CDK9: variants seen among roughly 807,000 people sequenced by gnomAD.
The protein encoded by CDK9 is cyclin-dependent kinase 9.
A neutral mutation model predicts 39.0 loss-of-function variants in CDK9; 34 were observed. That is an observed-to-expected ratio of 0.87 (90% CI 0.66 to 1.16). The LOEUF (loss-of-function observed/expected upper bound fraction) is 1.16. Ranked by LOEUF, CDK9 falls within the 50% of genes most tolerant of loss-of-function variation. The probability of loss-of-function intolerance (pLI) is 0.00; values close to 1 mark genes in which losing one functional copy is unlikely to be tolerated. For synonymous variants in CDK9, 233 were observed against 196.2 expected, an observed-to-expected ratio of 1.19 and a Z score of -1.57; for missense variants, 369 against 503.2, an observed-to-expected ratio of 0.73 and a Z score of 2.55.
Position 127,787,951 on chromosome 9 carries a change from C to G in CDK9, c.270C>G (p.Ser90=). 1 of 1,614,062 alleles carries G rather than the reference C, an allele frequency of 6.2e-7. No individual in the cohort carries two copies. Among genetic ancestry groups the G allele is most frequent in the Non-Finnish European group, 8.5e-7 (1 of 1,179,936 alleles). ...TTCTTTCTATTCCTGCCTCAGCTTC[C>G]CCCTATAACCGCTGCAAGGGTAGTA... ...NLIEICRTKA[S]PYNRCKGSIY... Residue 90 remains serine (S), a synonymous_variant, in exon 4 of 7, where the codon TCC becomes TCG. Coordinates refer to ENST00000373264, the MANE Select transcript of CDK9 (RefSeq NM_001261.4).
In CDK9 at chr9:127,788,341, A is replaced by T; in HGVS notation, c.560A>T (p.Asn187Ile). ...AKNSQPNRYT[N>I]RVVTLWYRPP... Reference sequence around the variant, plus strand: ...AACAGCCAGCCCAACCGCTACACCAACCGTGTGGTGACACTCTGGTACCGG... The same window carrying T: ...AACAGCCAGCCCAACCGCTACACCATCCGTGTGGTGACACTCTGGTACCGG... The change falls in exon 5 of 7, where the codon AAC becomes ATC. Residue 187 changes from asparagine (N) to isoleucine (I), a missense_variant. Physicochemically the swap from Asn to Ile is moderately radical, Grantham distance 149 (BLOSUM62 -3). Coordinates refer to ENST00000373264, the MANE Select transcript of CDK9 (RefSeq NM_001261.4). 1 of 1,613,098 alleles carries T rather than the reference A, an allele frequency of 6.2e-7. No individual in the cohort carries two copies. Among genetic ancestry groups the T allele is most frequent in the Non-Finnish European group, 8.5e-7 (1 of 1,179,982 alleles).
Position 127,788,234 on chromosome 9 carries a change from GGCT to G in CDK9, c.457_459del (p.Ala153del). ...TGCAGATCCTGCATAGGGACATGAA[GGCT>G]GCTAATGTGCTTATCACTCGTGATG... is the stretch of plus-strand genomic sequence containing the variant. On this transcript the variant is annotated inframe_deletion, in exon 5 of 7. Coordinates refer to ENST00000373264, the MANE Select transcript of CDK9 (RefSeq NM_001261.4). 2 of 1,613,938 alleles carry G rather than the reference GGCT, an allele frequency of 1.2e-6. No individual in the cohort carries two copies. The highest frequency in any genetic ancestry group is 1.7e-6 in the Non-Finnish European group (2 of 1,180,026).
chr9:127,789,567 T>G lies in CDK9; in HGVS notation c.*24T>G, dbSNP rs758446860. On this transcript the variant is annotated 3_prime_UTR_variant, in exon 7 of 7. Coordinates refer to ENST00000373264, the MANE Select transcript of CDK9 (RefSeq NM_001261.4). The surrounding 1 kb of genome is among the most constrained non-coding windows in gnomAD (Gnocchi z 5.2). ...GAGGGCCGGCGCTTGCCACTAGGGC[T>G]CTTGTGTTTTTTTTCTTCTGCTATG... The G allele has an allele frequency of 1.9e-6, 3 of 1,601,892 alleles. No homozygotes were observed. The South Asian group carries it at 3.3e-5, about 18-fold the overall frequency.
rs1401312964 is a variant in CDK9, at chr9:127,789,055, G to A, written c.754-123G>A. 8 of 1,283,400 alleles carry A rather than the reference G, an allele frequency of 6.2e-6. No homozygotes were observed. Among genetic ancestry groups the A allele is most frequent in the Middle Eastern group, 2.8e-4 (1 of 3,576 alleles). The allele number at this position is 1,283,400 out of a possible 1,614,324, so 79.5% of individuals were successfully genotyped here. Reference sequence around the variant, plus strand: ...GCGGGCACTGCTTCTGGGAGGGGTCGAGTAGCAGTCTGGGAGCCTCCGAGT... The same window carrying A: ...GCGGGCACTGCTTCTGGGAGGGGTCAAGTAGCAGTCTGGGAGCCTCCGAGT... On this transcript the variant is annotated intron_variant, in intron 6 of 6. Transcript: ENST00000373264. The surrounding 1 kb of genome is among the most constrained non-coding windows in gnomAD (Gnocchi z 5.2).
intron 3 of CDK9, among the ~76,000 whole-genome samples, 158 bp downstream of exon 3, chr9:127,787,766 G>A (rs887661567): frequency 3.9e-5 from 6 of 152,110 alleles, no homozygotes; most frequent in African/African-American, 1.2e-4. Context: ...GTGCTTCCTC[G>A]GGGCCTGCCC....
At position 127,789,580 on chromosome 9, in the gene CDK9, T is replaced by G. The variant is rs1330332418; in HGVS notation, c.*37T>G. On this transcript the variant is annotated 3_prime_UTR_variant, in exon 7 of 7. Coordinates refer to ENST00000373264, the MANE Select transcript of CDK9 (RefSeq NM_001261.4). The surrounding 1 kb of genome is among the most constrained non-coding windows in gnomAD (Gnocchi z 5.2). ...TGCCACTAGGGCTCTTGTGTTTTTT[T>G]TCTTCTGCTATGTGACTTGCATCGT... The G allele has an allele frequency of 6.3e-7, 1 of 1,596,254 alleles. No homozygotes were observed. Among genetic ancestry groups the G allele is most frequent in the South Asian group, 1.1e-5 (1 of 89,384 alleles).
At position 127,787,975 on chromosome 9, in the gene CDK9, T is replaced by C. The variant is rs1055081617; in HGVS notation, c.294T>C (p.Ser98=). 9.9e-6 allele frequency: 16 copies of C among 1,614,106 alleles called. No individual in the cohort carries two copies. The highest frequency in any genetic ancestry group is 1.4e-5 in the Non-Finnish European group (16 of 1,180,054). ...CCCCCTATAACCGCTGCAAGGGTAG[T>C]ATATACCTGGTGTTCGACTTCTGCG... ...KASPYNRCKG[S]IYLVFDFCEH... is the part of the protein sequence containing the mutation. The change falls in exon 4 of 7, where the codon AGT becomes AGC. Residue 98 remains serine, a synonymous_variant. Transcript: ENST00000373264.
chr9:127,788,731 G>A, intron 6 of CDK9, 39 bp downstream of exon 6: 1 of 1,536,322 alleles, frequency 6.5e-7, no homozygotes, highest in Non-Finnish European at 8.8e-7. Context: ...AGAGATCGAG[G>A]TCCCCCGGCA....
chr9:127,789,600 C>T lies in CDK9; in HGVS notation c.*57C>T, dbSNP rs1829392916. On this transcript the variant is annotated 3_prime_UTR_variant, in exon 7 of 7. Coordinates refer to ENST00000373264, the MANE Select transcript of CDK9 (RefSeq NM_001261.4). The surrounding 1 kb of genome is among the most constrained non-coding windows in gnomAD (Gnocchi z 5.2). ...TTTTTTTCTTCTGCTATGTGACTTG[C>T]ATCGTGGAGACAGGGCATTTGAGTT... 1 of 1,572,796 alleles carries T rather than the reference C, an allele frequency of 6.4e-7. No individual in the cohort carries two copies.
In CDK9 at chr9:127,789,719, G is replaced by A; in HGVS notation, c.*176G>A. 9.0e-6 allele frequency: 7 copies of A among 779,892 alleles called. No homozygotes were observed. The South Asian group carries it at 9.3e-5, about 10-fold the overall frequency. 48.3% of individuals were successfully genotyped at this position (779,892 alleles called of 1,614,324 possible). A position where few individuals can be genotyped will look rare whatever the true frequency, so the allele number is the denominator to read the frequency against. ...GAGTGGAGCATTGGCTGAGAGACCA[G>A]GAGGGCACTGGAGCTGTCTTGTCCT... On this transcript the variant is annotated 3_prime_UTR_variant, in exon 7 of 7. Transcript: ENST00000373264. This position sits in a 1 kb window ranked among gnomAD's most constrained non-coding sequence, Gnocchi z 5.2.
chr9:127,788,560 C>G lies in CDK9; in HGVS notation c.621C>G (p.Gly207=). ...TCTTCCCAGGGGAGCGGGACTACGG[C>G]CCCCCCATTGACCTGTGGGGTGCTG... ...PELLLGERDY[G]PPIDLWGAGC... Residue 207 remains glycine, a synonymous_variant, in exon 6 of 7, where the codon GGC becomes GGG. Transcript: ENST00000373264. 6.4e-7 allele frequency: 1 copy of G among 1,569,006 alleles called. No homozygotes were observed. Among genetic ancestry groups the G allele is most frequent in the Non-Finnish European group, 8.6e-7 (1 of 1,157,282 alleles).
rs773619937 is a variant in CDK9 at position 127,789,322 on chromosome 9, C to T, written c.898C>T (p.Pro300Ser). 9 of 1,613,964 alleles carry T rather than the reference C, an allele frequency of 5.6e-6. No individual in the cohort carries two copies. The South Asian group carries it at 9.9e-5, about 18-fold the overall frequency. The change falls in exon 7 of 7, where the codon CCT becomes TCT. Residue 300 changes from proline (P) to serine (S), a missense_variant. Pro to Ser is a moderately conservative substitution (Grantham distance 74). Coordinates refer to ENST00000373264, the MANE Select transcript of CDK9 (RefSeq NM_001261.4). This position sits in a 1 kb window ranked among gnomAD's most constrained non-coding sequence, Gnocchi z 5.2. ...CATCGACAAGCTGCTGGTGCTGGAC[C>T]CTGCCCAGCGCATCGACAGCGATGA... is the stretch of plus-strand genomic sequence containing the variant. ...DLIDKLLVLD[P>S]AQRIDSDDAL...
Position 127,788,341 on chromosome 9 carries a change from A to G in CDK9, c.560A>G (p.Asn187Ser), listed in dbSNP as rs950843863. 2 of 1,613,098 alleles carry G rather than the reference A, an allele frequency of 1.2e-6. No individual in the cohort carries two copies. Among genetic ancestry groups the G allele is most frequent in the Non-Finnish European group, 1.7e-6 (2 of 1,179,982 alleles). Residue 187 changes from asparagine (N) to serine (S), a missense_variant, in exon 5 of 7, where the codon AAC (asparagine) becomes AGC (serine). Asn to Ser is a conservative substitution (Grantham distance 46, BLOSUM62 1). Transcript: ENST00000373264. ...AACAGCCAGCCCAACCGCTACACCA[A>G]CCGTGTGGTGACACTCTGGTACCGG... ...AKNSQPNRYT[N>S]RVVTLWYRPP...
chr9:127,789,156 C>G lies in CDK9; in HGVS notation c.754-22C>G. 1.9e-6 allele frequency: 3 copies of G among 1,543,422 alleles called. No individual in the cohort carries two copies. The highest frequency in any genetic ancestry group is 2.6e-6 in the Non-Finnish European group (3 of 1,142,724). ...ACCTCCTGACCGGACTCCATATTCT[C>G]TCAACGCCCCCTCCCTCCCAGGTGT... is the stretch of plus-strand genomic sequence containing the variant. On this transcript the variant is annotated intron_variant, in intron 6 of 6. Coordinates refer to ENST00000373264, the MANE Select transcript of CDK9 (RefSeq NM_001261.4). The surrounding 1 kb of genome is among the most constrained non-coding windows in gnomAD (Gnocchi z 5.2).
intron 1 of CDK9, among the ~76,000 whole-genome samples, 190 bp from the exon 2 acceptor site, chr9:127,786,511 G>T (rs1475413215): frequency 6.6e-6 from 1 of 152,206 alleles, no homozygotes; most frequent in African/African-American, 2.4e-5. Flanking sequence ...GAGGAGAAGG[G>T]ACTGAGGGAA....
At chr9:127,786,627 C>G in intron 1 of CDK9, 74 bp from the exon 2 acceptor site, 1 of 1,339,544 alleles carries the variant, frequency 7.5e-7, no homozygotes. Flanking sequence ...GCTGCCCCTC[C>G]TCCTGTAGTG....
In CDK9 at chr9:127,789,459, G is replaced by A; in HGVS notation, c.1035G>A (p.Lys345=). 1.2e-6 allele frequency: 2 copies of A among 1,614,138 alleles called. No homozygotes were observed. The highest frequency in any genetic ancestry group is 1.7e-6 in the Non-Finnish European group (2 of 1,180,040). Residue 345 remains lysine (K), a synonymous_variant, in exon 7 of 7, where the codon AAG becomes AAA. Coordinates refer to ENST00000373264, the MANE Select transcript of CDK9 (RefSeq NM_001261.4). This position sits in a 1 kb window ranked among gnomAD's most constrained non-coding sequence, Gnocchi z 5.2. ...AGTACTTGGCACCACCGCGCCGGAA[G>A]GGCAGCCAGATCACCCAGCAGTCCA... ...MFEYLAPPRR[K]GSQITQQSTN...
Position 127,788,257 on chromosome 9 carries a change from G to A in CDK9, c.476G>A (p.Arg159His), listed in dbSNP as rs769188538. 6.2e-7 allele frequency: 1 copy of A among 1,613,824 alleles called. No homozygotes were observed. The highest frequency in any genetic ancestry group is 8.5e-7 in the Non-Finnish European group (1 of 1,180,034). Residue 159 changes from arginine to histidine, a missense_variant, in exon 5 of 7, where the codon CGT (arginine) becomes CAT (histidine). Coordinates refer to ENST00000373264, the MANE Select transcript of CDK9 (RefSeq NM_001261.4). Reference protein sequence around the residue: ...DMKAANVLITRDGVLKLADFG... With the variant: ...DMKAANVLITHDGVLKLADFG... ...AAGGCTGCTAATGTGCTTATCACTC[G>A]TGATGGGGTCCTGAAGCTGGCAGAC...
intron 2 of CDK9, 86 bp from the exon 3 acceptor site, chr9:127,787,432 C>G: frequency 1.2e-6 from 1 of 820,082 alleles, no homozygotes; most frequent in Non-Finnish European, 2.0e-6. Flanking sequence ...CTTGCTCTGT[C>G]TCCCAACTTG....
Sources: allele counts gnomAD v4.1 joint callset (sites outside exome capture counted in the v4.1 genomes callset), GRCh38; gene constraint gnomAD v4.1.1; non-coding constraint Gnocchi (gnomAD v3.1); transcripts MANE v1.5; gene names NCBI Gene and HGNC (gene_info 2026-07-23, HGNC 2026-07-21).